The following AMBRA1 variants were observed in gnomAD, a reference collection of about 807,000 sequenced individuals.
AMBRA1 encodes the protein activating molecule in BECN1-regulated autophagy protein 1.
Under a neutral mutation model 125.4 loss-of-function variants are expected in AMBRA1, and 47 were observed. That is an observed-to-expected ratio of 0.37 (90% CI 0.30 to 0.48). AMBRA1 has a LOEUF of 0.48. AMBRA1 is among the 20% of genes least tolerant of loss of function. The probability of loss-of-function intolerance (pLI) is 0.99; values close to 1 mark genes in which losing one functional copy is unlikely to be tolerated. For synonymous variants in AMBRA1, 626 were observed against 655.5 expected, an observed-to-expected ratio of 0.95 and a Z score of 0.69; for missense variants, 1,331 against 1,693.4, an observed-to-expected ratio of 0.79 and a Z score of 3.76.
chr11:46,438,989 C>T (rs1443405864), intron 12 of AMBRA1, among the ~76,000 whole-genome samples: 1 of 152,076 alleles, frequency 6.6e-6, no homozygotes, highest in Non-Finnish European at 1.5e-5. Context: ...CAGTAAAACA[C>T]AGAATCAGGC....
rs76266079 is a variant in AMBRA1 at position 46,444,740 on chromosome 11, G to A, written c.2522-1142C>T. ...CTGTAGTTTTTTTCTTTTAGAGAGC[G>A]GCATTTATTGCACTGCTACTCCTGG... On this transcript the variant is annotated intron_variant, in intron 11 of 17. Transcript: ENST00000683756. 4.9e-4 allele frequency among the ~76,000 whole-genome samples: 75 copies of A among 152,102 alleles called. 4 individuals are homozygous for A. The East Asian group carries it at 0.01, about 20-fold the overall frequency.
chr11:46,515,526 C>G (rs1476103318), intron 7 of AMBRA1, among the ~76,000 whole-genome samples: 1 of 151,938 alleles, frequency 6.6e-6, no homozygotes, highest in Admixed American at 6.6e-5. Flanking sequence ...CTTAAAGAAA[C>G]TAATTATGGT....
chr11:46,474,677 G>A (rs1196057733), intron 11 of AMBRA1, among the ~76,000 whole-genome samples: 1 of 152,108 alleles, frequency 6.6e-6, no homozygotes, highest in East Asian at 1.9e-4. Flanking sequence ...CGTAAGCCAC[G>A]GCACCTGGCC....
rs192554384 is a variant in AMBRA1 at position 46,468,079 on chromosome 11, T to C, written c.2522-24481A>G. ...GTTGCTATTCTTCCAGGGCATAGGATGGTGACAGGTATATTGGAAACCCTC... is the reference window on the plus strand; with the variant it reads ...GTTGCTATTCTTCCAGGGCATAGGACGGTGACAGGTATATTGGAAACCCTC... On this transcript the variant is annotated intron_variant, in intron 11 of 17. Transcript: ENST00000683756. Among the ~76,000 whole-genome samples, 8 of 152,286 alleles carry C rather than the reference T, an allele frequency of 5.3e-5. No homozygotes were observed. In the East Asian group the frequency reaches 1.5e-3, roughly 29 times the overall value.
chr11:46,472,547 C>T (rs146162926), intron 11 of AMBRA1, among the ~76,000 whole-genome samples: 1 of 152,320 alleles, frequency 6.6e-6, no homozygotes, highest in East Asian at 1.9e-4. Flanking sequence ...TTAAATGACT[C>T]ACTCAAATTG....
chr11:46,471,697 G>A (rs1042584111), intron 11 of AMBRA1, among the ~76,000 whole-genome samples: 4 of 150,606 alleles, frequency 2.7e-5, no homozygotes, highest in African/African-American at 9.7e-5. Context: ...GCGTGATCTC[G>A]GCACACTGCA....
At chr11:46,418,977 A>T (rs779278382) in intron 14 of AMBRA1, among the ~76,000 whole-genome samples, 1 of 151,072 alleles carries the variant, frequency 6.6e-6, no homozygotes, top group Non-Finnish European at 1.5e-5. Flanking sequence ...GCAATGGGGA[A>T]TTGGAGGTGA....
chr11:46,457,626 C>G (rs1041220878), intron 11 of AMBRA1, among the ~76,000 whole-genome samples: 1 of 152,104 alleles, frequency 6.6e-6, no homozygotes, highest in South Asian at 2.1e-4. Context: ...CTGGGCCAGG[C>G]GCAGTGGCTC....
intron 6 of AMBRA1, 132 bp from the exon 7 acceptor site, chr11:46,543,530 T>C: frequency 8.5e-7 from 1 of 1,173,450 alleles, no homozygotes; most frequent in East Asian, 2.5e-5. Flanking sequence ...AACAACTCTC[T>C]ACCCCTGAAG....
At chr11:46,544,995 C>T (rs1952932262) in intron 5 of AMBRA1, among the ~76,000 whole-genome samples, 1 of 151,930 alleles carries the variant, frequency 6.6e-6, no homozygotes, top group South Asian at 2.1e-4. Flanking sequence ...AGAGAGGCTG[C>T]ACACACCTGT....
chr11:46,420,152 G>A (rs371017810), intron 14 of AMBRA1, among the ~76,000 whole-genome samples: 3 of 152,116 alleles, frequency 2.0e-5, no homozygotes, highest in South Asian at 2.1e-4. Flanking sequence ...TTTGAGGCAC[G>A]GCACTGACTG....
intron 14 of AMBRA1, among the ~76,000 whole-genome samples, chr11:46,420,093 A>G (rs1590756131): frequency 6.6e-6 from 1 of 151,704 alleles, no homozygotes; most frequent in South Asian, 2.1e-4. Context: ...TGGCCTAGCT[A>G]TGGTCCTGAG....
chr11:46,509,436 C>G (rs1951179386), intron 8 of AMBRA1, among the ~76,000 whole-genome samples: 1 of 152,116 alleles, frequency 6.6e-6, no homozygotes, highest in Non-Finnish European at 1.5e-5. Context: ...ACACTTGACT[C>G]AATAATTCTA....
intron 16 of AMBRA1, 93 bp downstream of exon 16, chr11:46,410,183 G>A (rs1414691922): frequency 2.6e-6 from 3 of 1,164,560 alleles, no homozygotes; most frequent in Admixed American, 1.7e-5. Flanking sequence ...GAGGGACCCA[G>A]AGCCCTAGAG....
intron 11 of AMBRA1, among the ~76,000 whole-genome samples, chr11:46,450,617 AT>A (rs1948539808): frequency 6.6e-6 from 1 of 151,272 alleles, no homozygotes; most frequent in South Asian, 2.1e-4. Context: ...TTTTTTTTGT[AT>A]TTTTTGTAGA....
chr11:46,565,341 T>C (rs2043484071), intron 1 of AMBRA1, among the ~76,000 whole-genome samples: 3 of 151,866 alleles, frequency 2.0e-5, no homozygotes, highest in Admixed American at 2.0e-4. Context: ...AAAAAATCAA[T>C]ATACATCACA....
At chr11:46,498,898 T>C (rs1189957640) in intron 9 of AMBRA1, among the ~76,000 whole-genome samples, 1 of 152,246 alleles carries the variant, frequency 6.6e-6, no homozygotes, top group Non-Finnish European at 1.5e-5. Flanking sequence ...ACAGAAGGCC[T>C]AGCTGGTATT....
At position 46,593,968 on chromosome 11, in the gene AMBRA1, G is replaced by A. The variant is rs920795294; in HGVS notation, c.-261C>T. On this transcript the variant is annotated 5_prime_UTR_variant, in exon 1 of 18. Coordinates refer to ENST00000683756, the MANE Select transcript of AMBRA1 (RefSeq NM_001387011.1). The stretch of plus-strand genomic sequence containing the variant: ...GGCGGCTTGAGCGCGGGGCCTCGCG[G>A]ACAACTCAGCCCTCGACCCGGCGCC... 2 of 398,670 alleles carry A rather than the reference G, an allele frequency of 5.0e-6. No individual in the cohort carries two copies. Among genetic ancestry groups the A allele is most frequent in the Non-Finnish European group, 8.8e-6 (2 of 226,108 alleles). 24.7% of individuals were successfully genotyped at this position (398,670 alleles called of 1,614,324 possible). A position where few individuals can be genotyped will look rare whatever the true frequency, so the allele number is the denominator to read the frequency against.
intron 11 of AMBRA1, among the ~76,000 whole-genome samples, chr11:46,456,943 A>T (rs981749032): frequency 4.6e-5 from 7 of 152,208 alleles, no homozygotes; most frequent in African/African-American, 1.7e-4. Context: ...AAGAGAGTTA[A>T]AGCAAGAAAA....
Sources: allele counts gnomAD v4.1 joint callset (sites outside exome capture counted in the v4.1 genomes callset), GRCh38; gene constraint gnomAD v4.1.1; transcripts MANE v1.5; gene names NCBI Gene and HGNC (gene_info 2026-07-23, HGNC 2026-07-21).